RIMS2: variants seen among roughly 807,000 people sequenced by gnomAD.
The protein encoded by RIMS2 is regulating synaptic membrane exocytosis protein 2.
In RIMS2, 59 loss-of-function variants were observed where a neutral mutation model predicts 174.4. The observed-to-expected ratio is 0.34, with a 90% CI of 0.27 to 0.42. RIMS2 has a LOEUF of 0.42. Among genes scored for constraint, RIMS2 ranks in the 10% least tolerant of loss-of-function variants. The pLI is 1.00. For synonymous variants in RIMS2, 606 were observed against 572.5 expected, an observed-to-expected ratio of 1.06 and a Z score of -0.84; for missense variants, 1,620 against 1,666.3, an observed-to-expected ratio of 0.97 and a Z score of 0.48.
chr8:103,584,583 G>T (rs950654946), intron 1 of RIMS2, among the ~76,000 whole-genome samples: 1 of 152,058 alleles, frequency 6.6e-6, no homozygotes, highest in African/African-American at 2.4e-5. Flanking sequence ...ATTTAAAATG[G>T]GGGAGGATGA....
intron 19 of RIMS2, chr8:104,148,838 C>T (rs1402320014): frequency 1.3e-6 from 2 of 1,597,392 alleles, no homozygotes; most frequent in African/African-American, 1.3e-5. Flanking sequence ...CTTCTCAGCT[C>T]AGCCAAACGG....
exon 6 of RIMS2, chr8:103,912,115 T>G (rs1417695719): frequency 1.2e-6 from 2 of 1,607,766 alleles, no homozygotes; most frequent in East Asian, 2.2e-5. Flanking sequence ...TTTTATTAAA[T>G]AAGCGTCTAA....
chr8:104,100,921 A>G (rs1347436472), intron 19 of RIMS2, among the ~76,000 whole-genome samples: 1 of 128,278 alleles, frequency 7.8e-6, no homozygotes, highest in Non-Finnish European at 1.6e-5. Context: ...GTAATATATT[A>G]TATATGTGAT....
chr8:104,029,471 A>G (rs1228769519), intron 19 of RIMS2, among the ~76,000 whole-genome samples: 1 of 152,160 alleles, frequency 6.6e-6, no homozygotes, highest in Non-Finnish European at 1.5e-5. Flanking sequence ...ATGGTGACAT[A>G]TATATTACCT....
chr8:104,174,455 T>A (rs974191573), intron 19 of RIMS2, among the ~76,000 whole-genome samples: 19 of 152,190 alleles, frequency 1.2e-4, no homozygotes, highest in African/African-American at 4.6e-4. Flanking sequence ...TATATTACCT[T>A]CTTAATATTG....
At chr8:103,870,963 A>C (rs2154513307) in intron 3 of RIMS2, among the ~76,000 whole-genome samples, 1 of 152,252 alleles carries the variant, frequency 6.6e-6, no homozygotes, top group East Asian at 1.9e-4. Flanking sequence ...AGCCTTTTTC[A>C]ATTTTTATCC....
At chr8:104,148,562 C>G (rs1055413862) in intron 19 of RIMS2, 45 bp from the exon 25 acceptor site, 1 of 1,536,026 alleles carries the variant, frequency 6.5e-7, no homozygotes, top group African/African-American at 1.4e-5. Context: ...TCTGTCTTTT[C>G]CTTTTTACTC....
chr8:104,094,536 G>T, intron 19 of RIMS2: 1 of 701,662 alleles, frequency 1.4e-6, no homozygotes, highest in South Asian at 1.5e-5. Flanking sequence ...GATAGTTCAT[G>T]AGAAGGAAGA....
chr8:103,861,288 T>G (rs2099057602), intron 3 of RIMS2, among the ~76,000 whole-genome samples: 1 of 152,194 alleles, frequency 6.6e-6, no homozygotes, highest in Non-Finnish European at 1.5e-5. Flanking sequence ...GCTCTACCCA[T>G]GCTGTTGCAA....
chr8:103,922,692 AG>A, intron 10 of RIMS2: 1 of 366,292 alleles, frequency 2.7e-6, no homozygotes. Flanking sequence ...AGCCCAAAAA[AG>A]ATAGCTTTTT....
intron 1 of RIMS2, chr8:103,569,073 C>G: frequency 2.7e-6 from 1 of 375,860 alleles, no homozygotes. Flanking sequence ...GTTTTTGTTG[C>G]TTTGTGCTTC....
intron 3 of RIMS2, among the ~76,000 whole-genome samples, chr8:103,873,484 T>G (rs896205477): frequency 6.6e-6 from 1 of 152,116 alleles, no homozygotes; most frequent in Non-Finnish European, 1.5e-5. Context: ...GTCGTCTACC[T>G]CTTTTTTCTG....
intron 1 of RIMS2, among the ~76,000 whole-genome samples, chr8:103,603,714 A>C: frequency 1.5e-5 from 2 of 136,972 alleles, no homozygotes; most frequent in Admixed American, 7.4e-5. Context: ...ATGGTATCTC[A>C]TTGTGGTTTT....
At chr8:103,585,633 C>A (rs1001532477) in intron 1 of RIMS2, among the ~76,000 whole-genome samples, 26 of 151,788 alleles carry the variant, frequency 1.7e-4, no homozygotes, top group African/African-American at 6.3e-4. Context: ...AACACAAGAA[C>A]AGAAAACCAA....
chr8:104,106,037 C>CAAAAAAAAAAAAAAAAA (rs575916023), intron 19 of RIMS2, among the ~76,000 whole-genome samples: 8 of 56,910 alleles, frequency 1.4e-4, no homozygotes, highest in South Asian at 1.5e-3. Flanking sequence ...GACTCTGCCA[C>CAAAAAAAAAAAAAAAAA]AAAAAAAAAA....
At chr8:103,834,155 A>G (rs2098843037) in intron 3 of RIMS2, among the ~76,000 whole-genome samples, 1 of 152,032 alleles carries the variant, frequency 6.6e-6, no homozygotes, top group Admixed American at 6.6e-5. Context: ...AACTACAGGC[A>G]TGCATCATTT....
chr8:103,786,939 A>G (rs997947326), intron 3 of RIMS2, among the ~76,000 whole-genome samples: 18 of 151,870 alleles, frequency 1.2e-4, no homozygotes, highest in Non-Finnish European at 1.5e-4. Flanking sequence ...GACTTGCTCT[A>G]TGAATCTGGG....
chr8:103,921,567 T>G lies in RIMS2; in HGVS notation c.2084-105T>G. 4 of 635,702 alleles carry G rather than the reference T, an allele frequency of 6.3e-6. No individual in the cohort carries two copies. The South Asian group carries it at 6.9e-5, about 11-fold the overall frequency. 39.4% of individuals were successfully genotyped at this position (635,702 alleles called of 1,614,324 possible). ...AGAAATGGTCTATATAATGACACCT[T>G]GTGGACATCAAAAAAATAAATAATT... On this transcript the variant is annotated intron_variant, in intron 9 of 23. Coordinates refer to ENST00000504942, the Ensembl canonical transcript of RIMS2.
chr8:103,974,376 C>G (rs2093222755), intron 15 of RIMS2, among the ~76,000 whole-genome samples: 2 of 152,142 alleles, frequency 1.3e-5, no homozygotes, highest in South Asian at 4.1e-4. Flanking sequence ...TTACTAATAG[C>G]CACAAAGAGT....
Sources: gnomAD v4.1 joint callset for allele counts (sites outside exome capture counted in the v4.1 genomes callset) on GRCh38, gnomAD v4.1.1 for gene constraint, MANE v1.5 for transcripts, NCBI Gene and HGNC (gene_info 2026-07-23, HGNC 2026-07-21) for gene names.